The following ITSN2 variants were observed in gnomAD, a reference collection of about 807,000 sequenced individuals.
ITSN2 encodes intersectin 2, also known as intersectin-2.
ITSN2 carries 156 observed loss-of-function variants against 243.7 expected under a neutral mutation model. The ratio of observed to expected loss-of-function variants is 0.64; its 90% CI spans 0.56 to 0.73. The LOEUF is 0.73. Ranked by LOEUF, ITSN2 falls within the 30% of genes least tolerant of loss-of-function variation. The pLI, the probability that ITSN2 is intolerant of heterozygous loss-of-function variation, is 0.00. For synonymous variants in ITSN2, 703 were observed against 699.9 expected (o/e 1.00, Z -0.07); for missense variants, 1,801 against 1,996.1 (o/e 0.90, Z 1.86).
intron 1 of ITSN2, chr2:24,334,906 A>G (rs1351112276): frequency 9.2e-6 from 4 of 436,464 alleles, no homozygotes; most frequent in Admixed American, 7.0e-5. Flanking sequence ...TACTAAAAAT[A>G]CAAAAAATTA....
Position 24,204,571 on chromosome 2 carries a change from T to C in ITSN2, c.4763-153A>G. On this transcript the variant is annotated intron_variant, in intron 38 of 39. Transcript: ENST00000355123. This position sits in a 1 kb window ranked among gnomAD's most constrained non-coding sequence, Gnocchi z 5.1. ...TGCCTGGGGCACCATATCCCTGTGG[T>C]CTAGTAACAGGGTCTCCAAGTTCCC... The C allele has an allele frequency of 5.5e-6, 4 of 727,506 alleles. No homozygotes were observed. The highest frequency in any genetic ancestry group is 9.9e-6 in the Non-Finnish European group (4 of 405,734). 45.1% of individuals were successfully genotyped at this position (727,506 alleles called of 1,614,324 possible). A position where few individuals can be genotyped will look rare whatever the true frequency, so the allele number is the denominator to read the frequency against.
At position 24,203,525 on chromosome 2, in the gene ITSN2, G is replaced by T. The variant is rs1173012838; in HGVS notation, c.*101C>A. 2.0e-5 allele frequency: 24 copies of T among 1,211,154 alleles called. No individual in the cohort carries two copies. The highest frequency in any genetic ancestry group is 2.6e-5 in the Non-Finnish European group (23 of 879,504). 75.0% of individuals were successfully genotyped at this position (1,211,154 alleles called of 1,614,324 possible). On this transcript the variant is annotated 3_prime_UTR_variant, in exon 40 of 40. Transcript: ENST00000355123. ...CCCAGCGTGCATGGCTTTGTGAGGG[G>T]TGAAGCTGCATGGTGCTCCCTCAGC...
At chr2:24,287,298 A>T (rs991129219) in intron 15 of ITSN2, among the ~76,000 whole-genome samples, 1 of 152,152 alleles carries the variant, frequency 6.6e-6, no homozygotes, top group Non-Finnish European at 1.5e-5. Flanking sequence ...CATAATTTAT[A>T]TAACTACCTT....
At chr2:24,324,624 A>G (rs555159920) in intron 2 of ITSN2, among the ~76,000 whole-genome samples, 2 of 152,116 alleles carry the variant, frequency 1.3e-5, no homozygotes, top group East Asian at 3.9e-4. Flanking sequence ...CTAGGGCAGG[A>G]GGATCACTTG....
intron 3 of ITSN2, 44 bp downstream of exon 3, chr2:24,315,088 A>G (rs994760708): frequency 2.0e-6 from 2 of 1,015,276 alleles, no homozygotes; most frequent in Admixed American, 2.0e-5. Context: ...TAGATATCAC[A>G]TAAGGACCAT....
intron 1 of ITSN2, among the ~76,000 whole-genome samples, chr2:24,347,470 T>G (rs946973104): frequency 6.6e-6 from 1 of 152,166 alleles, no homozygotes; most frequent in Non-Finnish European, 1.5e-5. Context: ...GTGGATCACC[T>G]GAGGTCGGGA....
chr2:24,308,570 A>G (rs1366906965), intron 8 of ITSN2, 47 bp downstream of exon 8: 1 of 1,223,738 alleles, frequency 8.2e-7, no homozygotes, highest in Non-Finnish European at 1.1e-6. Context: ...GTGGAAGTCC[A>G]CATAAAAGAC....
In ITSN2 at chr2:24,240,657, C is replaced by G. The variant is rs112182062; in HGVS notation, c.3577+5472G>C. The G allele has an allele frequency of 6.5e-3, 988 of 152,182 alleles. 22 individuals are homozygous for G. The highest frequency in any genetic ancestry group is 6.7e-3 in the Non-Finnish European group (454 of 67,950). 9.4% of individuals were successfully genotyped at this position (152,182 alleles called of 1,614,324 possible). On this transcript the variant is annotated intron_variant, in intron 29 of 39. Transcript: ENST00000355123. ...TAACATAAATATTGCACAAAATATG[C>G]CTCTAACTGAAACTGAGAGGTACAA...
At chr2:24,318,939 C>T (rs1048971993) in intron 2 of ITSN2, among the ~76,000 whole-genome samples, 2 of 152,206 alleles carry the variant, frequency 1.3e-5, no homozygotes, top group Non-Finnish European at 2.9e-5. Flanking sequence ...ATTAGATTCT[C>T]ATAGGAGCAC....
In ITSN2 at chr2:24,284,777, A is replaced by G; in HGVS notation, c.1930T>C (p.Phe644Leu). 1 of 1,591,374 alleles carries G rather than the reference A, an allele frequency of 6.3e-7. No individual in the cohort carries two copies. Among genetic ancestry groups the G allele is most frequent in the Non-Finnish European group, 8.6e-7 (1 of 1,159,656 alleles). The change falls in exon 17 of 40, where the codon TTC (phenylalanine) becomes CTC (leucine). Residue 644 changes from phenylalanine (F) to leucine (L), a missense_variant. Phe to Leu is a conservative substitution (Grantham distance 22). Around this residue, in one of 5 missense-constraint regions of ITSN2, gnomAD observed 787 missense variants for 803.9 expected, o/e 0.98. Coordinates refer to ENST00000355123, the MANE Select transcript of ITSN2 (RefSeq NM_006277.3). ...LSLLSCLNNL[F>L]LLLKELRETY... is the part of the protein sequence containing the mutation. ...TAGAAAATAACCTTAAGTAAGAGGAAGAGGTTGTTGAGACAGCTTAGCAGA... is the reference window on the plus strand; with the variant it reads ...TAGAAAATAACCTTAAGTAAGAGGAGGAGGTTGTTGAGACAGCTTAGCAGA...
intron 30 of ITSN2, among the ~76,000 whole-genome samples, chr2:24,219,963 C>T (rs151178455): frequency 1.1e-4 from 17 of 152,332 alleles, no homozygotes; most frequent in East Asian, 7.7e-4. Context: ...GAAGGCTGCA[C>T]GGTCCCTGTT....
chr2:24,204,498 G>T lies in ITSN2; in HGVS notation c.4763-80C>A. 7.7e-7 allele frequency: 1 copy of T among 1,291,050 alleles called. No homozygotes were observed. Among genetic ancestry groups the T allele is most frequent in the Non-Finnish European group, 1.1e-6 (1 of 887,218 alleles). 80.0% of individuals were successfully genotyped at this position (1,291,050 alleles called of 1,614,324 possible). Reference sequence around the variant, plus strand: ...CTGACAGTGCCCTCCCTGAGCAGAAGCAGGATTCCAATAATGGGTCACTCG... The same window carrying T: ...CTGACAGTGCCCTCCCTGAGCAGAATCAGGATTCCAATAATGGGTCACTCG... On this transcript the variant is annotated intron_variant, in intron 38 of 39. Transcript: ENST00000355123. This position sits in a 1 kb window ranked among gnomAD's most constrained non-coding sequence, Gnocchi z 5.1.
rs147630225 is a variant in ITSN2, at chr2:24,246,466, C to A, written c.3386-146G>T. 1.0e-3 allele frequency: 502 copies of A among 499,538 alleles called. 1 individual carries two copies. Among genetic ancestry groups the A allele is most frequent in the African/African-American group, 5.5e-3 (274 of 49,930 alleles). 30.9% of individuals were successfully genotyped at this position (499,538 alleles called of 1,614,324 possible). ...ATTTCCCTTGAACTGCTCTTTCTCA[C>A]CCTCCTTCCCCTATTCCTGGTCTTA... is the stretch of plus-strand genomic sequence containing the variant. On this transcript the variant is annotated intron_variant, in intron 28 of 39. Transcript: ENST00000355123.
chr2:24,258,635 T>A (rs1675377891), intron 22 of ITSN2, among the ~76,000 whole-genome samples: 1 of 152,214 alleles, frequency 6.6e-6, no homozygotes, highest in South Asian at 2.1e-4. Flanking sequence ...AAGTCTTCTA[T>A]TATACCCTTT....
At chr2:24,305,295 G>A (rs1213718134) in intron 8 of ITSN2, among the ~76,000 whole-genome samples, 1 of 152,050 alleles carries the variant, frequency 6.6e-6, no homozygotes, top group Non-Finnish European at 1.5e-5. Context: ...GAGAAGAGAA[G>A]TAAAAAAGGG....
At chr2:24,301,130 T>C in intron 11 of ITSN2, 24 bp downstream of exon 11, 5 of 1,320,690 alleles carry the variant, frequency 3.8e-6, no homozygotes, top group African/African-American at 1.5e-5. Context: ...AGTATAAATA[T>C]ACAACTTTGA....
At chr2:24,319,219 G>A (rs554849048) in intron 2 of ITSN2, among the ~76,000 whole-genome samples, 1 of 152,308 alleles carries the variant, frequency 6.6e-6, no homozygotes, top group African/African-American at 2.4e-5. Flanking sequence ...GGATCACTAG[G>A]AAATGGTAAA....
At position 24,312,285 on chromosome 2, in the gene ITSN2, T is replaced by C. The variant is rs376384008; in HGVS notation, c.279A>G (p.Gln93=). The change falls in exon 5 of 40, where the codon CAA becomes CAG. Residue 93 remains glutamine, a synonymous_variant. Transcript: ENST00000355123. The part of the protein sequence containing the change: ...MKLIKLKLQG[Q]QLPVVLPPIM... ...TAGGAGGGAGAACCACAGGCAACTG[T>C]TGGCCTTGAAGCTTCAGTTTGATGA... 15 of 1,613,752 alleles carry C rather than the reference T, an allele frequency of 9.3e-6. No individual in the cohort carries two copies. Among genetic ancestry groups the C allele is most frequent in the Admixed American group, 3.3e-5 (2 of 60,010 alleles).
At chr2:24,227,542 TTAAA>T (rs1671166458) in intron 29 of ITSN2, among the ~76,000 whole-genome samples, 1 of 152,162 alleles carries the variant, frequency 6.6e-6, no homozygotes, top group African/African-American at 2.4e-5. Flanking sequence ...AATTAATAGA[TTAAA>T]TAGCAGATTA....
Sources: allele counts gnomAD v4.1 joint callset (sites outside exome capture counted in the v4.1 genomes callset), GRCh38; gene constraint gnomAD v4.1.1; regional missense constraint gnomAD v4.1.1; non-coding constraint Gnocchi (gnomAD v3.1); transcripts MANE v1.5; gene names NCBI Gene and HGNC (gene_info 2026-07-23, HGNC 2026-07-21).